The following TMEM132C variants were observed in gnomAD, a reference collection of about 807,000 sequenced individuals.
TMEM132C encodes transmembrane protein 132C, also known as protein phosphatase 1, regulatory subunit 152.
TMEM132C carries 29 observed loss-of-function variants against 61.4 expected under a neutral mutation model. The observed-to-expected ratio is 0.47, with a 90% CI of 0.35 to 0.64. TMEM132C has a LOEUF of 0.64. TMEM132C is among the 30% of genes least tolerant of loss of function. The pLI, the probability that TMEM132C is intolerant of heterozygous loss-of-function variation, is 0.00. For missense variants in TMEM132C, 1,408 were observed against 1,476.9 expected (o/e 0.95, Z 0.76); for synonymous variants, 656 against 633.1 (o/e 1.04, Z -0.54).
Position 128,310,382 on chromosome 12 carries a change from T to G in TMEM132C, c.85+42895T>G, listed in dbSNP as rs571867209. ...TAATTTATAAGAAGAGAGGCTTAAT[T>G]GGCTCATGGTTCTGCAGGCTGTACA... On this transcript the variant is annotated intron_variant, in intron 1 of 8. Coordinates refer to ENST00000435159, the MANE Select transcript of TMEM132C (RefSeq NM_001136103.3). Among the ~76,000 whole-genome samples, 18 of 152,234 alleles carry G rather than the reference T, an allele frequency of 1.2e-4. No homozygotes were observed. The East Asian group carries it at 3.3e-3, about 28-fold the overall frequency.
chr12:128,302,489 A>G (rs1871629041), intron 1 of TMEM132C, among the ~76,000 whole-genome samples: 1 of 152,214 alleles, frequency 6.6e-6, no homozygotes, highest in African/African-American at 2.4e-5. Flanking sequence ...AGATGCCAAA[A>G]TATAATTTGC....
rs114900591 is a variant in TMEM132C, at chr12:128,286,870, A to G, written c.85+19383A>G. 7.2e-3 allele frequency among the ~76,000 whole-genome samples: 1,103 copies of G among 152,308 alleles called. 15 individuals carry two copies. Among genetic ancestry groups the G allele is most frequent in the African/African-American group, 0.024 (1,018 of 41,562 alleles). On this transcript the variant is annotated intron_variant, in intron 1 of 8. Transcript: ENST00000435159. Reference sequence around the variant, plus strand: ...TGCCGGGCACGTGAGATTATTGTCCATTGAACAGGATCCTGGAAAACTTGA... The same window carrying G: ...TGCCGGGCACGTGAGATTATTGTCCGTTGAACAGGATCCTGGAAAACTTGA...
intron 1 of TMEM132C, among the ~76,000 whole-genome samples, chr12:128,302,046 C>T (rs145181230): frequency 6.6e-6 from 1 of 152,244 alleles, no homozygotes; most frequent in Non-Finnish European, 1.5e-5. Flanking sequence ...GTCTCCCTCC[C>T]AGAACATGGG....
chr12:128,385,652 T>A (rs111744095), intron 1 of TMEM132C, among the ~76,000 whole-genome samples: 9,917 of 152,240 alleles, frequency 0.065, 684 homozygotes, highest in African/African-American at 0.18. Context: ...ATCCTTTAAG[T>A]CATTGGAGGA....
chr12:128,287,801 T>C (rs1871120620), intron 1 of TMEM132C, among the ~76,000 whole-genome samples: 1 of 152,188 alleles, frequency 6.6e-6, no homozygotes, highest in African/African-American at 2.4e-5. Context: ...AATGTCTCTT[T>C]GTGTTTTTTT....
chr12:128,428,647 T>C (rs866964583), intron 2 of TMEM132C, among the ~76,000 whole-genome samples: 1 of 152,116 alleles, frequency 6.6e-6, no homozygotes, highest in African/African-American at 2.4e-5. Context: ...AAAATCGGGG[T>C]GCAGGTGCTG....
intron 1 of TMEM132C, among the ~76,000 whole-genome samples, chr12:128,318,628 G>A (rs1872227058): frequency 6.6e-6 from 1 of 152,156 alleles, no homozygotes. Flanking sequence ...CGCGTCTGTT[G>A]CCAGCTAATT....
intron 3 of TMEM132C, among the ~76,000 whole-genome samples, chr12:128,600,544 G>A (rs964752620): frequency 3.9e-5 from 6 of 152,208 alleles, no homozygotes; most frequent in Non-Finnish European, 7.3e-5. Context: ...TTTCTCAAGT[G>A]GAGTGGACCC....
intron 1 of TMEM132C, among the ~76,000 whole-genome samples, chr12:128,382,988 CTG>C (rs973514394): frequency 1.3e-4 from 19 of 151,300 alleles, no homozygotes; most frequent in African/African-American, 4.1e-4. Flanking sequence ...GTCTCTGTGT[CTG>C]TATGTATCTG....
At chr12:128,642,949 C>G (rs1954168591) in intron 4 of TMEM132C, among the ~76,000 whole-genome samples, 1 of 152,162 alleles carries the variant, frequency 6.6e-6, no homozygotes, top group South Asian at 2.1e-4. Flanking sequence ...AGAGTTTTCG[C>G]AAGTGTCCTA....
chr12:128,572,044 C>G (rs1874903707), intron 3 of TMEM132C, among the ~76,000 whole-genome samples: 1 of 151,854 alleles, frequency 6.6e-6, no homozygotes, highest in South Asian at 2.1e-4. Flanking sequence ...GGTCACATTC[C>G]TACTGTGGCC....
chr12:128,593,606 G>A (rs1450280478), intron 3 of TMEM132C, among the ~76,000 whole-genome samples: 1 of 152,210 alleles, frequency 6.6e-6, no homozygotes, highest in Non-Finnish European at 1.5e-5. Flanking sequence ...CACTGGGGCA[G>A]GTCCTGATTC....
At chr12:128,322,383 G>A (rs1872365992) in intron 1 of TMEM132C, among the ~76,000 whole-genome samples, 2 of 152,356 alleles carry the variant, frequency 1.3e-5, no homozygotes, top group African/African-American at 4.8e-5. Flanking sequence ...TCCTGGCAGA[G>A]CCCTGCCCAA....
intron 2 of TMEM132C, among the ~76,000 whole-genome samples, chr12:128,520,641 A>G (rs1275859662): frequency 6.6e-6 from 1 of 152,072 alleles, no homozygotes; most frequent in African/African-American, 2.4e-5. Flanking sequence ...GCATCTGTGG[A>G]CTCTACCCAC....
At chr12:128,543,936 C>G in intron 2 of TMEM132C, 21 bp from the exon 3 acceptor site, 1 of 1,542,706 alleles carries the variant, frequency 6.5e-7, no homozygotes, top group African/African-American at 1.4e-5. Context: ...CTCTCTCTCT[C>G]TCCCATCTTC....
At chr12:128,478,334 A>G (rs1411566883) in intron 2 of TMEM132C, among the ~76,000 whole-genome samples, 1 of 152,158 alleles carries the variant, frequency 6.6e-6, no homozygotes, top group Non-Finnish European at 1.5e-5. Flanking sequence ...TATAGTTCTT[A>G]AACAAAATAA....
At chr12:128,561,851 C>T (rs1341042017) in intron 3 of TMEM132C, among the ~76,000 whole-genome samples, 4 of 152,108 alleles carry the variant, frequency 2.6e-5, no homozygotes, top group Non-Finnish European at 4.4e-5. Flanking sequence ...CATCAGAAGC[C>T]CAGTCTCTTT....
intron 2 of TMEM132C, among the ~76,000 whole-genome samples, chr12:128,473,726 T>G (rs1227255782): frequency 7.8e-6 from 1 of 127,886 alleles, no homozygotes; most frequent in Non-Finnish European, 1.7e-5. Context: ...GCCTCCGTTT[T>G]CGTCTTCACT....
At chr12:128,588,299 G>A (rs1215646532) in intron 3 of TMEM132C, among the ~76,000 whole-genome samples, 3 of 152,256 alleles carry the variant, frequency 2.0e-5, no homozygotes, top group South Asian at 2.1e-4. Flanking sequence ...AGGTGTGGTG[G>A]CATGTGCCTG....
Sources: gnomAD v4.1 joint callset for allele counts (sites outside exome capture counted in the v4.1 genomes callset) on GRCh38, gnomAD v4.1.1 for gene constraint, MANE v1.5 for transcripts, NCBI Gene and HGNC (gene_info 2026-07-23, HGNC 2026-07-21) for gene names.